The following LAMB4 variants were observed in gnomAD, a reference collection of about 807,000 sequenced individuals.
LAMB4 encodes laminin subunit beta 4, also known as laminin subunit beta-4.
A neutral mutation model predicts 199.2 loss-of-function variants in LAMB4; 196 were observed. The observed-to-expected ratio is 0.98, with a 90% CI of 0.88 to 1.11. LAMB4 has a LOEUF of 1.11. Among genes scored for constraint, LAMB4 ranks in the 50% least tolerant of loss-of-function variants. The pLI, the probability that LAMB4 is intolerant of heterozygous loss-of-function variation, is 0.00. For missense variants in LAMB4, 2,080 were observed against 2,171.2 expected, an observed-to-expected ratio of 0.96 and a Z score of 0.83; for synonymous variants, 744 against 770.6, an observed-to-expected ratio of 0.97 and a Z score of 0.57.
In LAMB4 at chr7:108,086,429, T is replaced by C. The variant is rs554751229; in HGVS notation, c.1701+5197A>G. On this transcript the variant is annotated intron_variant, in intron 14 of 33. Coordinates refer to ENST00000388781, the MANE Select transcript of LAMB4 (RefSeq NM_007356.3). The stretch of plus-strand genomic sequence containing the variant: ...GGAACCCAATCTAAGACAGTGACAC[T>C]GTACACATGCACACATACACACATT... Among the ~76,000 whole-genome samples, 13 of 152,284 alleles carry C rather than the reference T, an allele frequency of 8.5e-5. No individual in the cohort carries two copies. In the South Asian group the frequency reaches 2.5e-3, roughly 29 times the overall value.
At chr7:108,014,985 G>A in the LAMB4 span, among the ~76,000 whole-genome samples, 1 of 152,204 alleles carries the variant, frequency 6.6e-6, no homozygotes, top group Non-Finnish European at 1.5e-5. Flanking sequence ...GGCTCCCAAA[G>A]TGTCAGGATT....
At chr7:108,026,683 AC>A in intron 33 of LAMB4, 2 of 242,562 alleles carry the variant, frequency 8.2e-6, no homozygotes, top group Non-Finnish European at 1.7e-5. Context: ...TCTTGCTGGG[AC>A]CCCGACTGAC....
intron 28 of LAMB4, among the ~76,000 whole-genome samples, chr7:108,046,982 G>C (rs2035649386): frequency 1.3e-5 from 2 of 151,496 alleles, no homozygotes; most frequent in Non-Finnish European, 2.9e-5. Flanking sequence ...TCCCAGGCAG[G>C]TCTTGAACCC....
At position 108,111,375 on chromosome 7, in the gene LAMB4, AT is replaced by A. The variant is rs2038217697; in HGVS notation, c.328+435del. ...ACTTTGGCTTACAGTAAGAAGCAAA[AT>A]GTTCTTTTCTCTTTCCCTTCATGTG... On this transcript the variant is annotated intron_variant, in intron 4 of 33. Coordinates refer to ENST00000388781, the MANE Select transcript of LAMB4 (RefSeq NM_007356.3). Among the ~76,000 whole-genome samples, 4 of 152,224 alleles carry A rather than the reference AT, an allele frequency of 2.6e-5. 1 individual carries two copies. In the South Asian group the frequency reaches 8.3e-4, roughly 32 times the overall value.
chr7:108,099,775 G>A (rs1032819317), intron 10 of LAMB4, among the ~76,000 whole-genome samples: 19 of 152,162 alleles, frequency 1.2e-4, no homozygotes, highest in African/African-American at 3.6e-4. Flanking sequence ...CACCATTTAG[G>A]TTAGTGAGTT....
chr7:108,022,614 T>C (rs1613597), downstream of LAMB4, among the ~76,000 whole-genome samples: 30,802 of 152,084 alleles, frequency 0.2, 7,289 homozygotes, highest in African/African-American at 0.58. Flanking sequence ...GTCTCAAGGC[T>C]GGATATGTGA....
Position 108,069,899 on chromosome 7 carries a change from G to A in LAMB4, c.2125-14C>T, listed in dbSNP as rs1447514103. On this transcript the variant is annotated splice_polypyrimidine_tract_variant and intron_variant, in intron 17 of 33. Transcript: ENST00000388781. ...AATAAGGCCAAGCTTTTGAAAGAAT[G>A]CAAAAAGACTTAACATTCAAACTAT... 1 of 1,596,160 alleles carries A rather than the reference G, an allele frequency of 6.3e-7. No individual in the cohort carries two copies. Among genetic ancestry groups the A allele is most frequent in the Admixed American group, 1.7e-5 (1 of 58,112 alleles).
chr7:108,047,822 G>A, intron 28 of LAMB4, 86 bp downstream of exon 28: 1 of 1,054,300 alleles, frequency 9.5e-7, no homozygotes, highest in Non-Finnish European at 1.5e-6. Context: ...TTCTCACTTG[G>A]AAGTTATATG....
the LAMB4 span, among the ~76,000 whole-genome samples, chr7:108,017,947 G>A: frequency 6.6e-6 from 1 of 152,264 alleles, no homozygotes; most frequent in Non-Finnish European, 1.5e-5. Flanking sequence ...CAGGCAGGCT[G>A]TGAATCGCCT....
chr7:108,119,289 C>T (rs888893688), intron 2 of LAMB4, among the ~76,000 whole-genome samples: 4 of 152,236 alleles, frequency 2.6e-5, no homozygotes, highest in South Asian at 2.1e-4. Context: ...GAGTATTTAT[C>T]GCAGAGAAAT....
At chr7:108,097,653 C>T (rs2037661982) in intron 11 of LAMB4, among the ~76,000 whole-genome samples, 1 of 152,058 alleles carries the variant, frequency 6.6e-6, no homozygotes, top group African/African-American at 2.4e-5. Flanking sequence ...GGCGTGGTGG[C>T]AGGCGCCTGT....
Position 108,105,844 on chromosome 7 carries a change from C to G in LAMB4, c.843G>C (p.Arg281=). Residue 281 remains arginine, a synonymous_variant, in exon 8 of 34, where the codon CGG becomes CGC. Coordinates refer to ENST00000388781, the MANE Select transcript of LAMB4 (RefSeq NM_007356.3). The stretch of plus-strand genomic sequence containing the variant: ...TTCCAGGAGGGCTGAAAACATCTCC[C>G]CGCATCTTCTGCATAGGGCGACATT... ...ASECRPMQKM[R]GDVFSPPGMV... is the part of the protein sequence containing the mutation. 6.2e-7 allele frequency: 1 copy of G among 1,614,222 alleles called. No homozygotes were observed.
intron 26 of LAMB4, among the ~76,000 whole-genome samples, chr7:108,049,854 GATA>G (rs1036314454): frequency 1.3e-4 from 20 of 152,142 alleles, no homozygotes; most frequent in African/African-American, 3.9e-4. Flanking sequence ...GTAAATTGGT[GATA>G]ATAATTTGTG....
At chr7:108,119,317 C>G (rs2038518297) in intron 2 of LAMB4, among the ~76,000 whole-genome samples, 2 of 152,114 alleles carry the variant, frequency 1.3e-5, no homozygotes, top group Admixed American at 1.3e-4. Flanking sequence ...TATGTTCACA[C>G]AAAAACCCTA....
Position 108,037,587 on chromosome 7 carries a change from C to A in LAMB4, c.4480G>T (p.Val1494Leu), listed in dbSNP as rs773058475. 6.2e-7 allele frequency: 1 copy of A among 1,613,578 alleles called. No individual in the cohort carries two copies. Among genetic ancestry groups the A allele is most frequent in the Non-Finnish European group, 8.5e-7 (1 of 1,179,614 alleles). Reference protein sequence around the residue: ...KVKNFLLEENVPPEDIEKVAN... With the variant: ...KVKNFLLEENLPPEDIEKVAN... ...ACCTTCTCGATGTCTTCTGGAGGCA[C>A]GTTTTCCTCTTAAATAAGAAGCAGG... The change falls in exon 30 of 34, where the codon GTG (valine) becomes TTG (leucine). Residue 1494 changes from valine to leucine, a missense_variant. Val to Leu is a conservative substitution (Grantham distance 32, BLOSUM62 1). Coordinates refer to ENST00000388781, the MANE Select transcript of LAMB4 (RefSeq NM_007356.3).
At position 108,079,652 on chromosome 7, in the gene LAMB4, G is replaced by T. The variant is rs759838706; in HGVS notation, c.1836C>A (p.Asn612Lys). 12 of 1,613,076 alleles carry T rather than the reference G, an allele frequency of 7.4e-6. No individual in the cohort carries two copies. In the African/African-American group the frequency reaches 1.5e-4, roughly 20 times the overall value. Residue 612 changes from asparagine to lysine, a missense_variant, in exon 15 of 34, where the codon AAC becomes AAA. By Grantham distance (94) the Asn-to-Lys change is moderately conservative (BLOSUM62 0). Transcript: ENST00000388781. Reference sequence around the variant, plus strand: ...TGAAGTCCACAGGAAAGGGAATGTTGTTGACAGCAAATCTCAAGCCAGCCC... The same window carrying T: ...TGAAGTCCACAGGAAAGGGAATGTTTTTGACAGCAAATCTCAAGCCAGCCC... ...LPGAGLRFAV[N>K]NIPFPVDFTI...
chr7:108,088,646 CT>C (rs898568702), intron 14 of LAMB4, among the ~76,000 whole-genome samples: 1 of 152,120 alleles, frequency 6.6e-6, no homozygotes, highest in Non-Finnish European at 1.5e-5. Context: ...TGCTTTTATT[CT>C]TATTCATAGT....
chr7:108,075,391 A>C (rs1444800816), intron 17 of LAMB4: 1 of 152,216 alleles, frequency 6.6e-6, no homozygotes. Context: ...GTCTCTGTGC[A>C]ACTACTCAAC....
intron 22 of LAMB4, among the ~76,000 whole-genome samples, chr7:108,063,502 G>A (rs1264452353): frequency 6.6e-6 from 1 of 152,140 alleles, no homozygotes; most frequent in East Asian, 1.9e-4. Flanking sequence ...GAATCCACTA[G>A]GACAGGTATT....
Sources: gnomAD v4.1 joint callset for allele counts (sites outside exome capture counted in the v4.1 genomes callset) on GRCh38, gnomAD v4.1.1 for gene constraint, MANE v1.5 for transcripts, NCBI Gene and HGNC (gene_info 2026-07-23, HGNC 2026-07-21) for gene names.